KCND1: variants seen among roughly 807,000 people sequenced by gnomAD.
KCND1 encodes A-type voltage-gated potassium channel KCND1.
Under a neutral mutation model 31.8 loss-of-function variants are expected in KCND1, and 11 were observed. That is an observed-to-expected ratio of 0.35 (90% CI 0.22 to 0.57). The LOEUF (loss-of-function observed/expected upper bound fraction) is 0.57. Among genes scored for constraint, KCND1 ranks in the 20% least tolerant of loss-of-function variants. The pLI is 0.85. For synonymous variants in KCND1, 234 were observed against 248.1 expected, an observed-to-expected ratio of 0.94 and a Z score of 0.53; for missense variants, 471 against 596.8, an observed-to-expected ratio of 0.79 and a Z score of 2.20.
Position 48,962,234 on chromosome X carries a change from TCGGATCAAAGCTTTGCCTTCATCTGA to T in KCND1, c.*321_*346del. 5.0e-6 allele frequency: 1 copy of T among 201,291 alleles called. No homozygotes were observed. Among genetic ancestry groups the T allele is most frequent in the Non-Finnish European group, 9.1e-6 (1 of 109,392 alleles). The allele number at this position is 201,291 out of a possible 1,213,427, so 16.6% of individuals were successfully genotyped here. On this transcript the variant is annotated 3_prime_UTR_variant, in exon 6 of 6. Coordinates refer to ENST00000218176, the MANE Select transcript of KCND1 (RefSeq NM_004979.6). ...TCCTTCTTAGGCTAGAGCTCAGATG[TCGGATCAAAGCTTTGCCTTCATCTGA>T]GAGCCCAAGGGGAGGAGCATGCAGG... is the stretch of plus-strand genomic sequence containing the variant.
chrX:48,967,291 A>G (rs1368442002), intron 1 of KCND1, 185 bp from the exon 2 acceptor site: 2 of 425,467 alleles, frequency 4.7e-6, no homozygotes, highest in African/African-American at 5.1e-5. Context: ...CTGGCCCTCA[A>G]CCCCTACCAT....
At chrX:48,964,740 G>T (rs2064342404) in intron 5 of KCND1, among the ~76,000 whole-genome samples, 1 of 97,422 alleles carries the variant, frequency 1.0e-5, no homozygotes, top group African/African-American at 3.9e-5. Context: ...AAAAAAAAAT[G>T]CAGCCAGGCG....
chrX:48,963,689 G>C, intron 5 of KCND1, among the ~76,000 whole-genome samples: 1 of 111,194 alleles, frequency 9.0e-6, no homozygotes, highest in Middle Eastern at 4.6e-3. Flanking sequence ...CACCTCATAG[G>C]GTTGCTGTGG....
At chrX:48,963,613 G>A (rs1349014887) in intron 5 of KCND1, among the ~76,000 whole-genome samples, 1 of 110,791 alleles carries the variant, frequency 9.0e-6, no homozygotes, top group Non-Finnish European at 1.9e-5. Context: ...TCAAATCCTG[G>A]TCCCACTTTA....
chrX:48,968,278 A>G (rs1668032754), intron 1 of KCND1: 2 of 111,701 alleles, frequency 1.8e-5, no homozygotes, highest in Admixed American at 9.6e-5. Context: ...CATGAGTTCG[A>G]TGATTCCATT....
At chrX:48,963,002 G>T (rs2064332109) in intron 5 of KCND1, among the ~76,000 whole-genome samples, 196 bp from the exon 6 acceptor site, 1 of 110,385 alleles carries the variant, frequency 9.1e-6, no homozygotes, top group Admixed American at 9.6e-5. Flanking sequence ...TGGGCATGGT[G>T]GCGCATGCCT....
At chrX:48,966,882 C>T in intron 2 of KCND1, 38 bp from the exon 3 acceptor site, 1 of 1,203,238 alleles carries the variant, frequency 8.3e-7, no homozygotes, top group Non-Finnish European at 1.1e-6. Context: ...GTGGGTAAGC[C>T]CCAAAGTAGA....
rs1557058382 is a variant in KCND1 at position 48,969,079 on chromosome X, CCTTT to C, written c.1121+68_1121+71del. 2.9e-6 allele frequency: 3 copies of C among 1,021,942 alleles called. No homozygotes were observed. In the Admixed American group the frequency reaches 9.7e-5, roughly 33 times the overall value. The allele number at this position is 1,021,942 out of a possible 1,213,427, so 84.2% of individuals were successfully genotyped here. ...AAAAGAAAGAAAGAAAGAGATCATTCCTTTAAACTTCCTAATTTTACAGAAAGGG... is the reference window on the plus strand; with the variant it reads ...AAAAGAAAGAAAGAAAGAGATCATTCAAACTTCCTAATTTTACAGAAAGGG... On this transcript the variant is annotated intron_variant, in intron 1 of 5. Coordinates refer to ENST00000218176, the MANE Select transcript of KCND1 (RefSeq NM_004979.6).
chrX:48,968,824 C>G (rs192116561), intron 1 of KCND1, among the ~76,000 whole-genome samples: 1 of 110,794 alleles, frequency 9.0e-6, no homozygotes, highest in Non-Finnish European at 1.9e-5. Context: ...GCGGCCAAGG[C>G]GGGCGGATCA....
chrX:48,970,534 A>C lies in KCND1; in HGVS notation c.-263T>G. ...TTGGGGACATGGAGAAGAGCAGAAA[A>C]GGGGTGTGGGGATGGGGCCAAGAAG... On this transcript the variant is annotated 5_prime_UTR_variant, in exon 1 of 6. Transcript: ENST00000218176. The C allele has an allele frequency of 3.3e-6, 1 of 304,400 alleles. No homozygotes were observed. 25.1% of individuals were successfully genotyped at this position (304,400 alleles called of 1,213,427 possible). A position where few individuals can be genotyped will look rare whatever the true frequency, so the allele number is the denominator to read the frequency against.
chrX:48,969,392 G>A lies in KCND1; in HGVS notation c.880C>T (p.Leu294=). Residue 294 remains leucine (L), a synonymous_variant, in exon 1 of 6, where the codon CTG becomes TTG. Transcript: ENST00000218176. ...ATGCGAAACACCCGGAACACACGCA[G>A]GGTGACAAAGGCGCCAGAGACATCG... ...NDDVSGAFVT[L]RVFRVFRIFK... The A allele has an allele frequency of 8.3e-7, 1 of 1,210,510 alleles. No individual in the cohort carries two copies.
At chrX:48,968,267 T>G (rs1180685369) in intron 1 of KCND1, 1 of 111,722 alleles carries the variant, frequency 9.0e-6, no homozygotes, top group Non-Finnish European at 1.9e-5. Flanking sequence ...TTTGGAAAGC[T>G]CATGAGTTCG....
chrX:48,965,756 A>G (rs1184981721), intron 5 of KCND1, among the ~76,000 whole-genome samples: 1 of 110,587 alleles, frequency 9.0e-6, no homozygotes, highest in Non-Finnish European at 1.9e-5. Flanking sequence ...TGTGCCTGTA[A>G]TACCAGCTAC....
chrX:48,962,716 G>A lies in KCND1; in HGVS notation c.1809C>T (p.Thr603=), dbSNP rs1249915787. Residue 603 remains threonine, a synonymous_variant, in exon 6 of 6, where the codon ACC becomes ACT. Transcript: ENST00000218176. ...DFVAAIISIP[T]PPANTPDESQ... ...TCTCATCTGGGGTGTTGGCAGGAGGGGTAGGGATGCTGATAATGGCAGCCA... is the reference window on the plus strand; with the variant it reads ...TCTCATCTGGGGTGTTGGCAGGAGGAGTAGGGATGCTGATAATGGCAGCCA... 1 of 1,210,851 alleles carries A rather than the reference G, an allele frequency of 8.3e-7. No individual in the cohort carries two copies. Among genetic ancestry groups the A allele is most frequent in the Non-Finnish European group, 1.1e-6 (1 of 894,951 alleles).
At position 48,970,019 on chromosome X, in the gene KCND1, C is replaced by T. The variant is rs1033340047; in HGVS notation, c.253G>A (p.Asp85Asn). 2 of 1,211,188 alleles carry T rather than the reference C, an allele frequency of 1.7e-6. No homozygotes were observed. Among genetic ancestry groups the T allele is most frequent in the South Asian group, 1.8e-5 (1 of 56,802 alleles). ...YDADSGEYFF[D>N]RDPDMFRHVL... ...TGGCGGAACATGTCAGGGTCGCGAT[C>T]GAAGAAGTACTCGCCTGAGTCAGCA... is the stretch of plus-strand genomic sequence containing the variant. Residue 85 changes from aspartate (D) to asparagine (N), a missense_variant, in exon 1 of 6, where the codon GAT becomes AAT. Around this residue, in one of 3 missense-constraint regions of KCND1, gnomAD observed 212 missense variants for 257.9 expected, o/e 0.82. Transcript: ENST00000218176.
intron 4 of KCND1, 49 bp downstream of exon 4, chrX:48,966,529 G>A (rs782313893): frequency 1.3e-5 from 14 of 1,112,053 alleles, no homozygotes; most frequent in South Asian, 3.9e-5. Flanking sequence ...TGGCATGGCC[G>A]CAGAGGGACC....
In KCND1 at chrX:48,962,533, G is replaced by A. The variant is rs2064326830; in HGVS notation, c.*48C>T. 9.9e-7 allele frequency: 1 copy of A among 1,011,804 alleles called. No homozygotes were observed. The highest frequency in any genetic ancestry group is 1.4e-6 in the Non-Finnish European group (1 of 738,629). The allele number at this position is 1,011,804 out of a possible 1,213,427, so 83.4% of individuals were successfully genotyped here. On this transcript the variant is annotated 3_prime_UTR_variant, in exon 6 of 6. Transcript: ENST00000218176. ...CCTCCCAAAAATATGGCTTTGGAAAGGAGTTCCCAAAAATGAAGAGGACCC... is the reference window on the plus strand; with the variant it reads ...CCTCCCAAAAATATGGCTTTGGAAAAGAGTTCCCAAAAATGAAGAGGACCC...
rs782224915 is a variant in KCND1, at chrX:48,962,471, G to T, written c.*110C>A. Reference sequence around the variant, plus strand: ...AACTCCATTGCATAGTTCTCAGTGGGGGGGGCAGAAGGGGTGCCCAAGCCT... The same window carrying T: ...AACTCCATTGCATAGTTCTCAGTGGTGGGGGCAGAAGGGGTGCCCAAGCCT... On this transcript the variant is annotated 3_prime_UTR_variant, in exon 6 of 6. Transcript: ENST00000218176. The T allele has an allele frequency of 1.7e-3, 851 of 511,101 alleles. No homozygotes were observed. Among genetic ancestry groups the T allele is most frequent in the Non-Finnish European group, 2.3e-3 (688 of 302,548 alleles). The allele number at this position is 511,101 out of a possible 1,213,427, so 42.1% of individuals were successfully genotyped here. A position where few individuals can be genotyped will look rare whatever the true frequency, so the allele number is the denominator to read the frequency against.
In KCND1 at chrX:48,966,950, T is replaced by C; in HGVS notation, c.1278A>G (p.Ala426=). Residue 426 remains alanine, a synonymous_variant, in exon 2 of 6, where the codon GCA becomes GCG. Transcript: ENST00000218176. ...GGATGGAAAGTGCGGTTACCTGCTGTGCTCGGCGCTTGTCAGCCCGCTGGT... is the reference window on the plus strand; with the variant it reads ...GGATGGAAAGTGCGGTTACCTGCTGCGCTCGGCGCTTGTCAGCCCGCTGGT... ...HQNQRADKRR[A]QQKVRLARIR... 8.3e-7 allele frequency: 1 copy of C among 1,210,400 alleles called. No individual in the cohort carries two copies. Among genetic ancestry groups the C allele is most frequent in the Non-Finnish European group, 1.1e-6 (1 of 895,059 alleles).
Sources: gnomAD v4.1 joint callset for allele counts (sites outside exome capture counted in the v4.1 genomes callset) on GRCh38, gnomAD v4.1.1 for gene constraint, gnomAD v4.1.1 regional missense constraint, MANE v1.5 for transcripts, NCBI Gene and HGNC (gene_info 2026-07-23, HGNC 2026-07-21) for gene names.